Variants in PTPRM observed in about 807,000 individuals in gnomAD.
PTPRM encodes receptor-type tyrosine-protein phosphatase mu.
Under a neutral mutation model 186.7 loss-of-function variants are expected in PTPRM, and 47 were observed. The ratio of observed to expected loss-of-function variants is 0.25; its 90% CI spans 0.20 to 0.32. The LOEUF (loss-of-function observed/expected upper bound fraction) is 0.32. Among genes scored for constraint, PTPRM ranks in the 10% least tolerant of loss-of-function variants. The pLI is 1.00. For missense variants in PTPRM, 1,494 were observed against 1,865.0 expected (o/e 0.80, Z 3.66); for synonymous variants, 668 against 674.9 (o/e 0.99, Z 0.16).
intron 1 of PTPRM, among the ~76,000 whole-genome samples, chr18:7,639,138 G>C (rs940831698): frequency 6.6e-6 from 1 of 152,044 alleles, no homozygotes; most frequent in Non-Finnish European, 1.5e-5. Flanking sequence ...GCAGTGGGGC[G>C]ATCTCCACTC....
At chr18:8,353,945 C>T (rs770237308) in intron 23 of PTPRM, among the ~76,000 whole-genome samples, 2 of 152,210 alleles carry the variant, frequency 1.3e-5, no homozygotes, top group Admixed American at 6.5e-5. Flanking sequence ...GGCGCAGTGG[C>T]TCACACCTGT....
At chr18:8,332,899 G>C (rs1211912427) in intron 22 of PTPRM, among the ~76,000 whole-genome samples, 2 of 152,108 alleles carry the variant, frequency 1.3e-5, no homozygotes, top group African/African-American at 4.8e-5. Flanking sequence ...TTCTTTTACT[G>C]TCACCAAATT....
At chr18:8,191,636 C>A (rs751893005) in intron 14 of PTPRM, among the ~76,000 whole-genome samples, 2 of 152,104 alleles carry the variant, frequency 1.3e-5, no homozygotes. Flanking sequence ...ATCCCCCCAA[C>A]ACACACACAC....
chr18:8,093,849 T>C (rs1056393272), intron 11 of PTPRM, among the ~76,000 whole-genome samples: 1 of 152,204 alleles, frequency 6.6e-6, no homozygotes, highest in Non-Finnish European at 1.5e-5. Flanking sequence ...GCCATGGGTA[T>C]GAAGAACCAG....
At chr18:7,765,875 T>G (rs1181521538) in intron 1 of PTPRM, among the ~76,000 whole-genome samples, 1 of 152,238 alleles carries the variant, frequency 6.6e-6, no homozygotes, top group African/African-American at 2.4e-5. Context: ...TATTACAGTC[T>G]TTTTACAAAA....
Position 8,296,237 on chromosome 18 carries a change from C to T in PTPRM, c.2755-131C>T, listed in dbSNP as rs564611652. ...AAAATATAAATGTAGTGTAATAATC[C>T]CTTGTCTCATTTCTGTCGGCATTCT... On this transcript the variant is annotated intron_variant, in intron 19 of 32. Transcript: ENST00000580170. The T allele has an allele frequency of 1.6e-4, 103 of 625,966 alleles. 2 individuals carry two copies. In the South Asian group the frequency reaches 2.1e-3, roughly 13 times the overall value. The allele number at this position is 625,966 out of a possible 1,614,324, so 38.8% of individuals were successfully genotyped here. A position where few individuals can be genotyped will look rare whatever the true frequency, so the allele number is the denominator to read the frequency against.
At chr18:8,324,620 A>G (rs577102011) in intron 22 of PTPRM, among the ~76,000 whole-genome samples, 20 of 152,324 alleles carry the variant, frequency 1.3e-4, no homozygotes, top group African/African-American at 4.3e-4. Flanking sequence ...GTGTTTGGTA[A>G]ATAGTAATAA....
chr18:8,372,051 A>ATTTTTTTTTTTTTTTTT, intron 24 of PTPRM, among the ~76,000 whole-genome samples: 1 of 89,374 alleles, frequency 1.1e-5, no homozygotes, highest in Non-Finnish European at 2.4e-5. Flanking sequence ...TCTCCACTCT[A>ATTTTTTTTTTTTTTTTT]TATTCTTTTT....
chr18:8,090,056 G>A (rs571569369), intron 11 of PTPRM, among the ~76,000 whole-genome samples: 184 of 152,250 alleles, frequency 1.2e-3, no homozygotes, highest in Non-Finnish European at 1.9e-3. Flanking sequence ...ATTCCAAATT[G>A]GAGATAGTGT....
At chr18:8,310,814 G>A (rs1054283322) in intron 20 of PTPRM, among the ~76,000 whole-genome samples, 2 of 152,126 alleles carry the variant, frequency 1.3e-5, no homozygotes, top group Admixed American at 1.3e-4. Flanking sequence ...CCAACACTTA[G>A]CATAGTGTTT....
chr18:8,085,964 C>A, intron 10 of PTPRM, 92 bp downstream of exon 10: 1 of 1,229,538 alleles, frequency 8.1e-7, no homozygotes, highest in Non-Finnish European at 1.2e-6. Context: ...CTCGCCCACA[C>A]TAACATTGTA....
At chr18:8,305,133 T>C (rs1260912954) in intron 20 of PTPRM, among the ~76,000 whole-genome samples, 1 of 152,210 alleles carries the variant, frequency 6.6e-6, no homozygotes, top group Non-Finnish European at 1.5e-5. Flanking sequence ...GGTAAATAAA[T>C]TAAAGGCCTG....
At chr18:7,959,065 A>G (rs2053503143) in intron 7 of PTPRM, among the ~76,000 whole-genome samples, 1 of 152,200 alleles carries the variant, frequency 6.6e-6, no homozygotes, top group African/African-American at 2.4e-5. Context: ...TGCCTTATCT[A>G]TAAAACAGAG....
chr18:7,763,679 G>C (rs569440679), intron 1 of PTPRM, among the ~76,000 whole-genome samples: 2 of 152,254 alleles, frequency 1.3e-5, no homozygotes, highest in East Asian at 3.9e-4. Context: ...CTTATAATTT[G>C]ATTCTACCCA....
chr18:8,068,159 G>T (rs546290954), intron 7 of PTPRM, among the ~76,000 whole-genome samples: 61 of 152,252 alleles, frequency 4.0e-4, no homozygotes, highest in African/African-American at 1.4e-3. Flanking sequence ...TTATTTTGAG[G>T]AATAGGAAAT....
intron 23 of PTPRM, among the ~76,000 whole-genome samples, chr18:8,354,431 G>T (rs996479209): frequency 6.6e-6 from 1 of 152,026 alleles, no homozygotes; most frequent in Non-Finnish European, 1.5e-5. Flanking sequence ...ACGAAGAGAA[G>T]ACAGCATTTC....
intron 1 of PTPRM, among the ~76,000 whole-genome samples, chr18:7,754,029 T>C (rs1568081211): frequency 1.3e-5 from 2 of 152,306 alleles, no homozygotes; most frequent in East Asian, 1.9e-4. Flanking sequence ...TCTCTATGGG[T>C]GCAGTATTCC....
chr18:7,807,321 T>C (rs1241680000), intron 2 of PTPRM, among the ~76,000 whole-genome samples: 2 of 152,232 alleles, frequency 1.3e-5, no homozygotes, highest in Non-Finnish European at 2.9e-5. Context: ...GCAGAAACAG[T>C]AAACTTCCTG....
chr18:8,143,922 CA>C (rs1479236202), intron 14 of PTPRM, 143 bp downstream of exon 14: 2 of 1,135,490 alleles, frequency 1.8e-6, no homozygotes, highest in Admixed American at 4.1e-5. Flanking sequence ...CATTTTTCAT[CA>C]TGTGGCATGG....
Sources: gnomAD v4.1 joint callset for allele counts (sites outside exome capture counted in the v4.1 genomes callset) on GRCh38, gnomAD v4.1.1 for gene constraint, MANE v1.5 for transcripts, NCBI Gene and HGNC (gene_info 2026-07-23, HGNC 2026-07-21) for gene names.